Variants in BMP6 observed in about 807,000 individuals in gnomAD.
The protein encoded by BMP6 is VG-1-R.
In BMP6, 17 loss-of-function variants were observed where a neutral mutation model predicts 54.1. The observed-to-expected ratio is 0.31, with a 90% CI of 0.22 to 0.47. The LOEUF is 0.47. Ranked by LOEUF, BMP6 falls within the 20% of genes least tolerant of loss-of-function variation. The pLI is 1.00. For synonymous variants in BMP6, 328 were observed against 291.2 expected, an observed-to-expected ratio of 1.13 and a Z score of -1.28; for missense variants, 720 against 690.4, an observed-to-expected ratio of 1.04 and a Z score of -0.48.
chr6:7,840,289 A>G (rs1758948784), intron 1 of BMP6, among the ~76,000 whole-genome samples: 1 of 151,662 alleles, frequency 6.6e-6, no homozygotes, highest in Non-Finnish European at 1.5e-5. Context: ...AGTGATAAAC[A>G]TTATTCCTGA....
chr6:7,868,531 G>C (rs1188712300), intron 4 of BMP6, among the ~76,000 whole-genome samples: 1 of 152,242 alleles, frequency 6.6e-6, no homozygotes, highest in Non-Finnish European at 1.5e-5. Flanking sequence ...AGAGCGGCCA[G>C]GCCCATGAAG....
chr6:7,807,489 C>CA (rs1416850372), intron 1 of BMP6, among the ~76,000 whole-genome samples: 1 of 152,090 alleles, frequency 6.6e-6, no homozygotes, highest in Admixed American at 6.5e-5. Context: ...CCATGTTGGC[C>CA]AGACTGGTCT....
chr6:7,838,542 T>C (rs747444070), intron 1 of BMP6, among the ~76,000 whole-genome samples: 3 of 152,240 alleles, frequency 2.0e-5, no homozygotes, highest in Admixed American at 1.3e-4. Flanking sequence ...TTTCCTATTA[T>C]TTAATCTTAA....
chr6:7,866,980 C>T (rs2113283262), intron 4 of BMP6, among the ~76,000 whole-genome samples: 1 of 152,350 alleles, frequency 6.6e-6, no homozygotes, highest in Non-Finnish European at 1.5e-5. Context: ...AAGCGATTCT[C>T]CTGCCTCAGC....
At chr6:7,855,557 T>C (rs543557448) in intron 2 of BMP6, among the ~76,000 whole-genome samples, 26 of 123,806 alleles carry the variant, frequency 2.1e-4, no homozygotes, top group Admixed American at 3.3e-4. Context: ...CTCTCTCTTT[T>C]TTTTTTTTTT....
chr6:7,764,597 C>T (rs909952377), intron 1 of BMP6, among the ~76,000 whole-genome samples: 4 of 152,274 alleles, frequency 2.6e-5, no homozygotes, highest in South Asian at 2.1e-4. Flanking sequence ...GATTTCTGCA[C>T]CATGATGGAC....
At chr6:7,853,932 G>T (rs910577591) in intron 2 of BMP6, among the ~76,000 whole-genome samples, 1 of 151,254 alleles carries the variant, frequency 6.6e-6, no homozygotes, top group Non-Finnish European at 1.5e-5. Flanking sequence ...TGCTCAAGGA[G>T]CCATCAGACC....
At chr6:7,738,296 C>T (rs1031758267) in intron 1 of BMP6, among the ~76,000 whole-genome samples, 4 of 152,142 alleles carry the variant, frequency 2.6e-5, no homozygotes, top group African/African-American at 9.7e-5. Context: ...CCTCTCTGCC[C>T]CCACACCCAC....
At chr6:7,830,068 T>A (rs762587477) in intron 1 of BMP6, among the ~76,000 whole-genome samples, 3 of 152,192 alleles carry the variant, frequency 2.0e-5, no homozygotes, top group Non-Finnish European at 4.4e-5. Flanking sequence ...GACTCCTGAC[T>A]TTCAGAAAAG....
intron 1 of BMP6, among the ~76,000 whole-genome samples, chr6:7,818,462 C>G (rs759899890): frequency 6.6e-6 from 1 of 152,182 alleles, no homozygotes; most frequent in Non-Finnish European, 1.5e-5. Context: ...TTTTTTCCTT[C>G]CAACTTGCTA....
chr6:7,814,828 CA>C (rs573578987), intron 1 of BMP6, among the ~76,000 whole-genome samples: 35 of 152,080 alleles, frequency 2.3e-4, no homozygotes, highest in African/African-American at 8.0e-4. Flanking sequence ...CGGGGTGAGG[CA>C]GGGGAGGGGG....
chr6:7,845,753 C>G (rs1157255648), intron 2 of BMP6, among the ~76,000 whole-genome samples: 1 of 151,622 alleles, frequency 6.6e-6, no homozygotes, highest in African/African-American at 2.4e-5. Flanking sequence ...ATAAGATACA[C>G]ATACACACAT....
intron 1 of BMP6, among the ~76,000 whole-genome samples, chr6:7,817,580 G>A (rs566242454): frequency 6.8e-6 from 1 of 146,494 alleles, no homozygotes; most frequent in African/African-American, 2.5e-5. Flanking sequence ...GTCGTGGCGT[G>A]GGGGGTGGGG....
chr6:7,789,978 C>T (rs1032896924), intron 1 of BMP6, among the ~76,000 whole-genome samples: 7 of 152,090 alleles, frequency 4.6e-5, no homozygotes, highest in Admixed American at 1.3e-4. Context: ...GGGTCTGCTG[C>T]AGGAGCAGGC....
At chr6:7,728,250 G>A (rs1276926392) in intron 1 of BMP6, among the ~76,000 whole-genome samples, 1 of 152,248 alleles carries the variant, frequency 6.6e-6, no homozygotes, top group Non-Finnish European at 1.5e-5. Context: ...GTTTGGGGCG[G>A]GATGAAAGCT....
At chr6:7,800,617 A>G (rs1332297391) in intron 1 of BMP6, among the ~76,000 whole-genome samples, 2 of 152,080 alleles carry the variant, frequency 1.3e-5, no homozygotes, top group Non-Finnish European at 2.9e-5. Flanking sequence ...GCTCTCCCCT[A>G]CTATAAAAGC....
At position 7,727,296 on chromosome 6, in the gene BMP6, A is replaced by G. The variant is rs377443730; in HGVS notation, c.341A>G (p.Gln114Arg). 1.3e-4 allele frequency: 215 copies of G among 1,607,006 alleles called. No homozygotes were observed. Among genetic ancestry groups the G allele is most frequent in the Admixed American group, 3.5e-4 (21 of 59,608 alleles). ...GCGCTCCGGCAGCAGGAGGAGCAGC[A>G]GCAGCAGCAGCAGCTGCCTCGCGGA... ...PPALRQQEEQQQQQQLPRGEP... is the reference protein window; with the variant it reads ...PPALRQQEEQRQQQQLPRGEP... Residue 114 changes from glutamine (Q) to arginine (R), a missense_variant, in exon 1 of 7, where the codon CAG (glutamine) becomes CGG (arginine). Physicochemically the swap from Gln to Arg is conservative, Grantham distance 43 (BLOSUM62 1). Around this residue, in one of 3 missense-constraint regions of BMP6, gnomAD observed 650 missense variants for 556.3 expected, o/e 1.17. Transcript: ENST00000283147.
chr6:7,741,804 G>T (rs1757268557), intron 1 of BMP6, among the ~76,000 whole-genome samples: 1 of 152,238 alleles, frequency 6.6e-6, no homozygotes, highest in South Asian at 2.1e-4. Context: ...GGAGTTGGAG[G>T]TCTGAAGTTC....
intron 1 of BMP6, among the ~76,000 whole-genome samples, chr6:7,809,753 A>T (rs750358300): frequency 5.9e-5 from 9 of 152,228 alleles, no homozygotes; most frequent in Non-Finnish European, 1.0e-4. Flanking sequence ...TGAACAGTGC[A>T]TGATTGAGTA....
Sources: gnomAD v4.1 joint callset for allele counts (sites outside exome capture counted in the v4.1 genomes callset) on GRCh38, gnomAD v4.1.1 for gene constraint, gnomAD v4.1.1 regional missense constraint, MANE v1.5 for transcripts, NCBI Gene and HGNC (gene_info 2026-07-23, HGNC 2026-07-21) for gene names.